Variants in ABCA4 observed in about 807,000 individuals in gnomAD.
ABCA4 encodes the protein ATP binding cassette subfamily A member 4.
Under a neutral mutation model 263.7 loss-of-function variants are expected in ABCA4, and 196 were observed. The observed-to-expected ratio is 0.74, with a 90% CI of 0.66 to 0.84. The LOEUF (loss-of-function observed/expected upper bound fraction) is 0.84. Among genes scored for constraint, ABCA4 ranks in the 40% least tolerant of loss-of-function variants. The probability of loss-of-function intolerance (pLI) is 0.00; values close to 1 mark genes in which losing one functional copy is unlikely to be tolerated. For missense variants in ABCA4, 2,792 were observed against 2,855.1 expected, an observed-to-expected ratio of 0.98 and a Z score of 0.50; for synonymous variants, 1,133 against 1,094.2, an observed-to-expected ratio of 1.04 and a Z score of -0.70.
At chr1:94,041,699 A>G (rs777262957) in intron 22 of ABCA4, among the ~76,000 whole-genome samples, 52 of 152,206 alleles carry the variant, frequency 3.4e-4, no homozygotes, top group Non-Finnish European at 6.6e-4. Context: ...GTCAGCATCT[A>G]GGGAGTTTCA....
chr1:94,033,643 C>T (rs78655215), intron 26 of ABCA4, among the ~76,000 whole-genome samples: 11 of 152,116 alleles, frequency 7.2e-5, no homozygotes, highest in Admixed American at 6.5e-4. Flanking sequence ...GCTTTCTTAA[C>T]CCTCCTCAAG....
chr1:93,997,127 T>C (rs1659029296), intron 48 of ABCA4, among the ~76,000 whole-genome samples: 1 of 152,246 alleles, frequency 6.6e-6, no homozygotes, highest in African/African-American at 2.4e-5. Context: ...CACTTAAACA[T>C]GGTTGGCATG....
At chr1:94,002,081 C>T (rs949302609) in intron 44 of ABCA4, 89 bp from the exon 45 acceptor site, 36 of 1,589,912 alleles carry the variant, frequency 2.3e-5, no homozygotes, top group South Asian at 8.9e-5. Flanking sequence ...CCAGATCTCA[C>T]GCCTCCAGAA....
intron 16 of ABCA4, 81 bp downstream of exon 16, chr1:94,055,030 T>G: frequency 5.5e-5 from 76 of 1,374,578 alleles, no homozygotes; most frequent in Non-Finnish European, 7.0e-5. Flanking sequence ...TTGGAAGAAA[T>G]GAAATTTAAA....
chr1:94,088,489 A>G (rs1661889365), intron 6 of ABCA4, among the ~76,000 whole-genome samples: 1 of 152,208 alleles, frequency 6.6e-6, no homozygotes. Context: ...TTACATATCC[A>G]ACTGTCTGCT....
chr1:94,083,543 C>T (rs1022699699), intron 6 of ABCA4, 102 bp from the exon 7 acceptor site: 15 of 801,178 alleles, frequency 1.9e-5, no homozygotes, highest in South Asian at 6.7e-5. Context: ...AACTCCCCCC[C>T]TCCTTCTTTC....
At chr1:94,078,067 A>G (rs1209441627) in intron 10 of ABCA4, among the ~76,000 whole-genome samples, 180 bp from the exon 11 acceptor site, 1 of 152,174 alleles carries the variant, frequency 6.6e-6, no homozygotes, top group Non-Finnish European at 1.5e-5. Context: ...CCCCAAGTCC[A>G]TGGGTCTCTA....
chr1:94,046,160 C>G (rs186051427), intron 19 of ABCA4, among the ~76,000 whole-genome samples: 30 of 151,852 alleles, frequency 2.0e-4, no homozygotes, highest in Non-Finnish European at 4.0e-4. Flanking sequence ...TAGCAGGACT[C>G]GGCCTGGTGC....
rs1889548 is a variant in ABCA4 at position 94,037,641 on chromosome 1, A to C, written c.3608-291T>G. Among the ~76,000 whole-genome samples the C allele has an allele frequency of 0.61, 93,299 of 151,932 alleles. 29,770 individuals are homozygous for C. Among genetic ancestry groups the C allele is most frequent in the South Asian group, 0.79 (3,814 of 4,808 alleles). On this transcript the variant is annotated intron_variant, in intron 24 of 49. Coordinates refer to ENST00000370225, the MANE Select transcript of ABCA4 (RefSeq NM_000350.3). ...GGGGGTCATGCAACTTTCCTGTGCC[A>C]GTTCCTCCTCTGTTCAACGAAATGC...
chr1:94,115,828 C>T (rs3789441), intron 1 of ABCA4, among the ~76,000 whole-genome samples: 41,698 of 152,098 alleles, frequency 0.27, 5,824 homozygotes, highest in Middle Eastern at 0.36. Context: ...TAGGCCTGCC[C>T]TCCACTTACG....
intron 9 of ABCA4, 127 bp downstream of exon 9, chr1:94,079,195 G>A (rs1401805202): frequency 3.0e-5 from 42 of 1,385,998 alleles, no homozygotes; most frequent in Non-Finnish European, 4.3e-5. Context: ...AAACGCAAGA[G>A]TCCACTTAGC....
rs4147833 is a variant in ABCA4 at position 94,062,807 on chromosome 1, C to T, written c.1761-54G>A. On this transcript the variant is annotated intron_variant, in intron 12 of 49. Transcript: ENST00000370225. ...GGAACGGGCTTGGATAGCTCACTCA[C>T]ACCTCCCGACCACAGGGTGACTCGG... The T allele has an allele frequency of 0.26, 407,312 of 1,571,940 alleles. 60,983 individuals are homozygous for T. The highest frequency in any genetic ancestry group is 0.8 in the East Asian group (35,194 of 44,166).
At chr1:94,108,834 G>A (rs1025302786) in intron 3 of ABCA4, 118 bp from the exon 4 acceptor site, 84 of 1,255,616 alleles carry the variant, frequency 6.7e-5, no homozygotes, top group Non-Finnish European at 8.0e-5. Flanking sequence ...GTGCAGTGGC[G>A]TGATCTCGGC....
chr1:93,999,345 C>T (rs1314538649), intron 47 of ABCA4, among the ~76,000 whole-genome samples: 2 of 152,166 alleles, frequency 1.3e-5, no homozygotes, highest in African/African-American at 2.4e-5. Flanking sequence ...TGCACCTGGC[C>T]GTCAAAGGTA....
chr1:94,061,785 A>G (rs1015680536), intron 13 of ABCA4, among the ~76,000 whole-genome samples: 15 of 152,172 alleles, frequency 9.9e-5, no homozygotes, highest in African/African-American at 3.6e-4. Context: ...GGCCACTGTT[A>G]TCTCAAGTTT....
At chr1:94,042,094 G>A (rs1269987651) in intron 22 of ABCA4, among the ~76,000 whole-genome samples, 1 of 64,406 alleles carries the variant, frequency 1.6e-5, no homozygotes, top group Non-Finnish European at 2.7e-5. Context: ...GCGAGATTCT[G>A]TCTCAAAAAA....
At chr1:94,063,506 G>A (rs554812059) in intron 11 of ABCA4, among the ~76,000 whole-genome samples, 189 bp from the exon 12 acceptor site, 2 of 152,328 alleles carry the variant, frequency 1.3e-5, no homozygotes, top group African/African-American at 2.4e-5. Context: ...AGATGTAGGG[G>A]CGCCAGAGAG....
chr1:94,056,618 C>G lies in ABCA4; in HGVS notation c.2365G>C (p.Glu789Gln), dbSNP rs1340980590. 2.5e-6 allele frequency: 4 copies of G among 1,613,016 alleles called. No homozygotes were observed. Among genetic ancestry groups the G allele is most frequent in the Middle Eastern group, 1.9e-4 (1 of 5,260 alleles). ...GGCCTCACCACAGCCTTCTTCAGCTCAGCGGTCATGCGGTCCTGCCAGGCG... is the reference window on the plus strand; with the variant it reads ...GGCCTCACCACAGCCTTCTTCAGCTGAGCGGTCATGCGGTCCTGCCAGGCG... ...CFAWQDRMTA[E>Q]LKKAVSLLSP... Residue 789 changes from glutamate to glutamine, a missense_variant, in exon 15 of 50, where the codon GAG becomes CAG. Coordinates refer to ENST00000370225, the MANE Select transcript of ABCA4 (RefSeq NM_000350.3).
chr1:93,994,910 G>A (rs2100984248), intron 49 of ABCA4, among the ~76,000 whole-genome samples: 1 of 152,350 alleles, frequency 6.6e-6, no homozygotes, highest in African/African-American at 2.4e-5. Context: ...GGGGTGGGGA[G>A]ACCATTGGTA....
Sources: gnomAD v4.1 joint callset for allele counts (sites outside exome capture counted in the v4.1 genomes callset) on GRCh38, gnomAD v4.1.1 for gene constraint, MANE v1.5 for transcripts, NCBI Gene and HGNC (gene_info 2026-07-23, HGNC 2026-07-21) for gene names.